SUGCT: variants seen among roughly 807,000 people sequenced by gnomAD.
SUGCT encodes the protein succinyl-CoA:glutarate CoA-transferase.
In SUGCT, 41 loss-of-function variants were observed where a neutral mutation model predicts 55.0. That is an observed-to-expected ratio of 0.74 (90% confidence interval 0.58 to 0.97). The LOEUF is 0.97. Ranked by LOEUF, SUGCT falls within the 50% of genes least tolerant of loss-of-function variation. SUGCT has a pLI of 0.00. For missense variants in SUGCT, 568 were observed against 547.8 expected (o/e 1.04, Z -0.37); for synonymous variants, 187 against 200.4 (o/e 0.93, Z 0.56).
chr7:41,007,877 G>A, the SUGCT span, among the ~76,000 whole-genome samples: 16 of 143,796 alleles, frequency 1.1e-4, no homozygotes, highest in African/African-American at 3.8e-4. Flanking sequence ...TTTTTAAATC[G>A]TTGTGTTCAA....
the SUGCT span, among the ~76,000 whole-genome samples, chr7:41,000,607 T>C: frequency 1.3e-5 from 2 of 152,104 alleles, no homozygotes; most frequent in African/African-American, 4.8e-5. Flanking sequence ...AGTGAGAAAT[T>C]TGGATTTAAT....
the SUGCT span, among the ~76,000 whole-genome samples, chr7:40,895,207 A>G: frequency 6.6e-6 from 1 of 152,232 alleles, no homozygotes; most frequent in Admixed American, 6.5e-5. Context: ...AAACTAACAC[A>G]GGAACAGAAA....
chr7:40,887,295 A>G, the SUGCT span, among the ~76,000 whole-genome samples: 5 of 152,220 alleles, frequency 3.3e-5, no homozygotes, highest in Non-Finnish European at 7.3e-5. Context: ...GAAAGACCAT[A>G]CATATTTGGA....
chr7:40,588,374 G>A (rs1455177711), intron 12 of SUGCT, among the ~76,000 whole-genome samples: 8 of 151,940 alleles, frequency 5.3e-5, no homozygotes, highest in Non-Finnish European at 1.2e-4. Flanking sequence ...GTGTTCACTA[G>A]TTTTGTTATG....
intron 12 of SUGCT, among the ~76,000 whole-genome samples, chr7:40,691,240 C>G (rs1201261226): frequency 6.6e-6 from 1 of 152,106 alleles, no homozygotes; most frequent in Admixed American, 6.5e-5. Flanking sequence ...AATATTTTCT[C>G]TTACGAACCT....
chr7:40,282,605 A>G (rs763013472), intron 8 of SUGCT, among the ~76,000 whole-genome samples: 1 of 152,134 alleles, frequency 6.6e-6, no homozygotes, highest in Non-Finnish European at 1.5e-5. Context: ...AAATGGATTA[A>G]AGGGGCCAGT....
At chr7:40,397,514 A>G (rs1583594074) in intron 9 of SUGCT, among the ~76,000 whole-genome samples, 1 of 152,162 alleles carries the variant, frequency 6.6e-6, no homozygotes, top group South Asian at 2.1e-4. Flanking sequence ...TAATGCTCCT[A>G]TTTCCTCACA....
intron 13 of SUGCT, among the ~76,000 whole-genome samples, chr7:40,792,878 A>T (rs568720964): frequency 6.6e-5 from 10 of 152,230 alleles, no homozygotes; most frequent in Non-Finnish European, 1.3e-4. Flanking sequence ...AAATTTTTCC[A>T]TGTATCAGAA....
the SUGCT span, among the ~76,000 whole-genome samples, chr7:41,018,908 CTTT>C: frequency 2.8e-5 from 4 of 141,618 alleles, no homozygotes; most frequent in Non-Finnish European, 4.6e-5. Flanking sequence ...CTAATATATT[CTTT>C]TTTTTTTTTT....
intron 7 of SUGCT, among the ~76,000 whole-genome samples, chr7:40,250,515 G>T (rs927717223): frequency 2.6e-5 from 4 of 151,932 alleles, no homozygotes; most frequent in Non-Finnish European, 4.4e-5. Flanking sequence ...TCAGTCAGAA[G>T]TTCCTAGTGT....
intron 13 of SUGCT, among the ~76,000 whole-genome samples, chr7:40,772,613 ATCT>A (rs1789224588): frequency 2.7e-5 from 4 of 149,334 alleles, no homozygotes; most frequent in African/African-American, 9.9e-5. Flanking sequence ...CTATCTATCT[ATCT>A]ATCTATCTAT....
intron 6 of SUGCT, among the ~76,000 whole-genome samples, chr7:40,203,006 AG>A (rs1786700631): frequency 6.6e-6 from 1 of 152,196 alleles, no homozygotes; most frequent in African/African-American, 2.4e-5. Context: ...CACATGCCAC[AG>A]GTGCTTAGGT....
At chr7:40,287,579 C>A (rs1793436754) in intron 8 of SUGCT, among the ~76,000 whole-genome samples, 1 of 151,824 alleles carries the variant, frequency 6.6e-6, no homozygotes, top group Non-Finnish European at 1.5e-5. Context: ...CTCACTGCAG[C>A]CTTGAACTCC....
intron 8 of SUGCT, among the ~76,000 whole-genome samples, chr7:40,297,694 A>G (rs866637353): frequency 6.6e-6 from 1 of 152,158 alleles, no homozygotes. Flanking sequence ...ATTACCCACT[A>G]CAGATAAAAC....
At chr7:40,970,935 G>T in the SUGCT span, among the ~76,000 whole-genome samples, 1 of 152,170 alleles carries the variant, frequency 6.6e-6, no homozygotes, top group Admixed American at 6.5e-5. Flanking sequence ...AAGCAAAGAA[G>T]TGACACTCTG....
chr7:40,728,054 A>G (rs1786701121), intron 12 of SUGCT, among the ~76,000 whole-genome samples: 1 of 152,170 alleles, frequency 6.6e-6, no homozygotes, highest in African/African-American at 2.4e-5. Context: ...TCTTTGTTAA[A>G]ATTATCTCCT....
intron 9 of SUGCT, among the ~76,000 whole-genome samples, chr7:40,330,482 A>ATTT (rs34591113): frequency 2.0e-5 from 3 of 149,880 alleles, no homozygotes; most frequent in Admixed American, 6.6e-5. Flanking sequence ...AGAAGATCCG[A>ATTT]TTTTTTTTTT....
At chr7:40,459,529 A>C (rs1157615014) in intron 11 of SUGCT, among the ~76,000 whole-genome samples, 1 of 152,214 alleles carries the variant, frequency 6.6e-6, no homozygotes, top group Non-Finnish European at 1.5e-5. Flanking sequence ...CAACAATAAT[A>C]ATTTAACATT....
At chr7:40,362,716 A>G (rs917916226) in intron 9 of SUGCT, among the ~76,000 whole-genome samples, 2 of 152,174 alleles carry the variant, frequency 1.3e-5, no homozygotes, top group East Asian at 3.8e-4. Context: ...TATAATTTAT[A>G]TATTATAAAA....
Sources: allele counts gnomAD v4.1 joint callset (sites outside exome capture counted in the v4.1 genomes callset), GRCh38; gene constraint gnomAD v4.1.1; transcripts MANE v1.5; gene names NCBI Gene and HGNC (gene_info 2026-07-23, HGNC 2026-07-21).